Variants in SLC16A5 observed in about 807,000 individuals in gnomAD.
SLC16A5 encodes the protein solute carrier family 16 member 5.
Under a neutral mutation model 33.2 loss-of-function variants are expected in SLC16A5, and 29 were observed. The ratio of observed to expected loss-of-function variants is 0.87; its 90% CI spans 0.65 to 1.19. The LOEUF is 1.19. Ranked by LOEUF, SLC16A5 falls within the 50% of genes most tolerant of loss-of-function variation. The pLI is 0.00. For missense variants in SLC16A5, 606 were observed against 678.2 expected (o/e 0.89, Z 1.18); for synonymous variants, 248 against 284.1 (o/e 0.87, Z 1.28).
At position 75,100,097 on chromosome 17, in the gene SLC16A5, C is replaced by A; in HGVS notation, c.434C>A (p.Ser145Ter). The A allele has an allele frequency of 6.2e-7, 1 of 1,614,022 alleles. No homozygotes were observed. The highest frequency in any genetic ancestry group is 1.1e-5 in the South Asian group (1 of 91,064). Residue 145 changes from serine (S) to a stop codon, truncating the protein, a stop_gained, in exon 5 of 7, where the codon TCG becomes TAG. Transcript: ENST00000329783. LOFTEE classifies it high-confidence loss of function. ...RRRVLANALA[S>*]MGVSLGITLW... ...CGGGTGCTGGCCAACGCGCTGGCCTCGATGGGCGTCTCCCTGGGCATCACC... is the reference window on the plus strand; with the variant it reads ...CGGGTGCTGGCCAACGCGCTGGCCTAGATGGGCGTCTCCCTGGGCATCACC...
rs570513895 is a variant in SLC16A5, at chr17:75,105,465, C to T, written c.1365-415C>T. 9.8e-4 allele frequency: 970 copies of T among 985,370 alleles called. 1 individual carries two copies. The highest frequency in any genetic ancestry group is 1.1e-3 in the Non-Finnish European group (922 of 829,906). 61.0% of individuals were successfully genotyped at this position (985,370 alleles called of 1,614,324 possible). A position where few individuals can be genotyped will look rare whatever the true frequency, so the allele number is the denominator to read the frequency against. On this transcript the variant is annotated intron_variant, in intron 6 of 6. Transcript: ENST00000329783. ...CTCCAGAGGCCCCCCTTTTCCCTGC[C>T]GTGTTATTGGTGTCAACCCTGGGGT...
At chr17:75,108,452 CA>C (rs2073879512), downstream of SLC16A5, among the ~76,000 whole-genome samples, 1 of 152,188 alleles carries the variant, frequency 6.6e-6, no homozygotes, top group African/African-American at 2.4e-5. Flanking sequence ...GGGCTGACCA[CA>C]AGGACCTGAA....
At chr17:75,102,571 T>C (rs1311066918) in intron 5 of SLC16A5, among the ~76,000 whole-genome samples, 1 of 151,998 alleles carries the variant, frequency 6.6e-6, no homozygotes, top group Non-Finnish European at 1.5e-5. Context: ...GAGTGTGAGA[T>C]TCTGAGCAAA....
chr17:75,108,290 G>A (rs369924909), downstream of SLC16A5, among the ~76,000 whole-genome samples: 2 of 152,160 alleles, frequency 1.3e-5, no homozygotes, highest in African/African-American at 4.8e-5. Context: ...CCAGCAAGAG[G>A]CAGAGAAACC....
chr17:75,105,930 G>C lies in SLC16A5; in HGVS notation c.1415G>C (p.Trp472Ser). 6.2e-7 allele frequency: 1 copy of C among 1,611,962 alleles called. No individual in the cohort carries two copies. Among genetic ancestry groups the C allele is most frequent in the African/African-American group, 1.3e-5 (1 of 75,014 alleles). Residue 472 changes from tryptophan (W) to serine (S), a missense_variant, in exon 7 of 7, where the codon TGG (tryptophan) becomes TCG (serine). Physicochemically the swap from Trp to Ser is radical, Grantham distance 177. Transcript: ENST00000329783. ...CCAGCTGGCGTCAATAAGCATCTTT[G>C]GGGATGTCCTGCCTCCTCCAGGACC... ...PRPAGVNKHL[W>S]GCPASSRTSH...
In SLC16A5 at chr17:75,105,521, C is replaced by G. The variant is rs997437133; in HGVS notation, c.1365-359C>G. 1.7e-5 allele frequency: 17 copies of G among 985,264 alleles called. No individual in the cohort carries two copies. The Admixed American group carries it at 1.8e-4, about 11-fold the overall frequency. 61.0% of individuals were successfully genotyped at this position (985,264 alleles called of 1,614,324 possible). A position where few individuals can be genotyped will look rare whatever the true frequency, so the allele number is the denominator to read the frequency against. On this transcript the variant is annotated intron_variant, in intron 6 of 6. Transcript: ENST00000329783. The stretch of plus-strand genomic sequence containing the variant: ...GCTGGCTGGACTCACCCCTGCTCCC[C>G]GTACACCTGTGCCTGTGACTGGCGG...
intron 6 of SLC16A5, chr17:75,104,555 G>T: frequency 3.7e-6 from 3 of 804,348 alleles, no homozygotes; most frequent in Non-Finnish European, 4.7e-6. Context: ...AAGTTCAAGC[G>T]ATTCTCCTGC....
rs116385669 is a variant in SLC16A5, at chr17:75,104,051, T to C, written c.1235T>C (p.Met412Thr). 290 of 1,614,192 alleles carry C rather than the reference T, an allele frequency of 1.8e-4. No homozygotes were observed. In the African/African-American group the frequency reaches 3.6e-3, roughly 20 times the overall value. Reference protein sequence around the residue: ...SFFLISAALFMGGSFYALQKK... With the variant: ...SFFLISAALFTGGSFYALQKK... ...TTCCTCATCTCAGCTGCCCTCTTCA[T>C]GGGTGGCAGCTTCTACGCCCTGCAG... Residue 412 changes from methionine to threonine, a missense_variant, in exon 6 of 7, where the codon ATG becomes ACG. Physicochemically the swap from Met to Thr is moderately conservative, Grantham distance 81 (BLOSUM62 -1). Transcript: ENST00000329783.
At chr17:75,104,552 A>G in intron 6 of SLC16A5, 1 of 825,010 alleles carries the variant, frequency 1.2e-6, no homozygotes, top group Non-Finnish European at 1.5e-6. Context: ...CCCAAGTTCA[A>G]GCGATTCTCC....
intron 5 of SLC16A5, 122 bp from the exon 6 acceptor site, chr17:75,103,847 TG>T: frequency 1.3e-6 from 1 of 797,292 alleles, no homozygotes; most frequent in Non-Finnish European, 2.1e-6. Flanking sequence ...GAGTGTCTAC[TG>T]GGTGTCAGCC....
intron 3 of SLC16A5, among the ~76,000 whole-genome samples, chr17:75,097,537 TGGTGGGAG>T (rs910726703): frequency 5.6e-5 from 2 of 35,444 alleles, no homozygotes; most frequent in African/African-American, 2.3e-4. Context: ...GCTGGGAAGG[TGGTGGGAG>T]GGTGGGAGGG....
In SLC16A5 at chr17:75,100,491, C is replaced by T. The variant is rs1257466529; in HGVS notation, c.828C>T (p.Leu276=). 17 of 1,614,118 alleles carry T rather than the reference C, an allele frequency of 1.1e-5. No homozygotes were observed. The highest frequency in any genetic ancestry group is 5.5e-5 in the South Asian group (5 of 91,088). Residue 276 remains leucine (L), a synonymous_variant, in exon 5 of 7, where the codon CTC becomes CTT. Coordinates refer to ENST00000329783, the MANE Select transcript of SLC16A5 (RefSeq NM_004695.4). ...HSVDEQQAAL[L]ISIIGFSNIF... ...TGGACGAGCAGCAGGCAGCCCTCCT[C>T]ATCTCCATCATCGGCTTCAGCAACA...
intron 1 of SLC16A5, 105 bp from the exon 2 acceptor site, chr17:75,089,046 C>G (rs1456353612): frequency 1.3e-5 from 2 of 152,232 alleles, no homozygotes; most frequent in African/African-American, 4.8e-5. Context: ...CCCCTGGGGC[C>G]CAACCTCACC....
rs1253047371 is a variant in SLC16A5, at chr17:75,089,319, TCTC to T, written c.-49+19_-49+21del. On this transcript the variant is annotated intron_variant, in intron 2 of 6. Transcript: ENST00000329783. The stretch of plus-strand genomic sequence containing the variant: ...GGGGAACACAGGTGGGTCACATTCA[TCTC>T]CTCTTTTGTGCTCAGCCAGAGGCTG... The T allele has an allele frequency of 6.6e-6, 1 of 152,196 alleles. No individual in the cohort carries two copies. The highest frequency in any genetic ancestry group is 2.4e-5 in the African/African-American group (1 of 41,342). The allele number at this position is 152,196 out of a possible 1,614,324, so 9.4% of individuals were successfully genotyped here. A position where few individuals can be genotyped will look rare whatever the true frequency, so the allele number is the denominator to read the frequency against.
downstream of SLC16A5, among the ~76,000 whole-genome samples, chr17:75,106,590 TTTAAAAAAAAA>T (rs1473549690): frequency 9.3e-6 from 1 of 107,578 alleles, no homozygotes. Flanking sequence ...CTGTCTTTTT[TTTAAAAAAAAA>T]AAAAAAAAAA....
At position 75,093,707 on chromosome 17, in the gene SLC16A5, A is replaced by C; in HGVS notation, c.71A>C (p.Gln24Pro). ...GTGCTGCTGGCCACCATGGTGACCC[A>C]GGGCCTCACCCTGGGCTTCCCCACG... ...WVVLLATMVT[Q>P]GLTLGFPTCI... Residue 24 changes from glutamine (Q) to proline (P), a missense_variant, in exon 3 of 7, where the codon CAG becomes CCG. Physicochemically the swap from Gln to Pro is moderately conservative, Grantham distance 76 (BLOSUM62 -1). Coordinates refer to ENST00000329783, the MANE Select transcript of SLC16A5 (RefSeq NM_004695.4). 2 of 1,613,988 alleles carry C rather than the reference A, an allele frequency of 1.2e-6. No individual in the cohort carries two copies. The highest frequency in any genetic ancestry group is 1.7e-6 in the Non-Finnish European group (2 of 1,179,942).
chr17:75,107,150 C>T (rs1354072949), downstream of SLC16A5, among the ~76,000 whole-genome samples: 1 of 151,852 alleles, frequency 6.6e-6, no homozygotes, highest in African/African-American at 2.4e-5. Flanking sequence ...AAATTTAAAA[C>T]TTAGCTGGAC....
rs1337807503 is a variant in SLC16A5, at chr17:75,105,183, G to A, written c.1365-697G>A. On this transcript the variant is annotated intron_variant, in intron 6 of 6. Transcript: ENST00000329783. ...CCATCCTGGCGCCTGTGCAGAGAAC[G>A]GGAGGGGGGCCCCTGGCTTGGATCC... The A allele has an allele frequency of 2.9e-5, 29 of 985,338 alleles. No individual in the cohort carries two copies. In the East Asian group the frequency reaches 3.4e-4, roughly 12 times the overall value. 61.0% of individuals were successfully genotyped at this position (985,338 alleles called of 1,614,324 possible).
chr17:75,094,739 C>T (rs1029371148), intron 3 of SLC16A5, among the ~76,000 whole-genome samples: 2 of 151,582 alleles, frequency 1.3e-5, no homozygotes, highest in Non-Finnish European at 2.9e-5. Context: ...AGCCCCAGCT[C>T]TCCCGGGACT....
Sources: allele counts gnomAD v4.1 joint callset (sites outside exome capture counted in the v4.1 genomes callset), GRCh38; gene constraint gnomAD v4.1.1; transcripts MANE v1.5; gene names NCBI Gene and HGNC (gene_info 2026-07-23, HGNC 2026-07-21).